The following TENM3 variants were observed in gnomAD, a reference collection of about 807,000 sequenced individuals.
TENM3 encodes teneurin transmembrane protein 3.
TENM3 carries 63 observed loss-of-function variants against 255.1 expected under a neutral mutation model. That is an observed-to-expected ratio of 0.25 (90% confidence interval 0.20 to 0.30). The LOEUF (loss-of-function observed/expected upper bound fraction) is 0.30. Among genes scored for constraint, TENM3 ranks in the 10% least tolerant of loss-of-function variants. The pLI is 1.00. For missense variants in TENM3, 2,929 were observed against 3,461.1 expected, an observed-to-expected ratio of 0.85 and a Z score of 3.86; for synonymous variants, 1,306 against 1,322.3, an observed-to-expected ratio of 0.99 and a Z score of 0.27.
chr4:182,628,976 A>G, intron 5 of TENM3, 87 bp downstream of exon 5: 1 of 793,932 alleles, frequency 1.3e-6, no homozygotes, highest in Non-Finnish European at 2.0e-6. Flanking sequence ...TGGTCTAGAA[A>G]TATATTGTGA....
chr4:181,978,468 G>A, the TENM3 span, among the ~76,000 whole-genome samples: 2 of 152,092 alleles, frequency 1.3e-5, no homozygotes, highest in African/African-American at 4.8e-5. Flanking sequence ...CCAACATGGT[G>A]AAACACCATC....
chr4:181,798,630 C>G, the TENM3 span, among the ~76,000 whole-genome samples: 2 of 152,178 alleles, frequency 1.3e-5, no homozygotes, highest in Non-Finnish European at 2.9e-5. Context: ...GCTGGTGTAA[C>G]TGTTGTTTCA....
At chr4:182,674,680 A>T (rs1393578749) in intron 7 of TENM3, among the ~76,000 whole-genome samples, 1 of 151,944 alleles carries the variant, frequency 6.6e-6, no homozygotes, top group African/African-American at 2.4e-5. Context: ...GGCTCAGGTG[A>T]TCCTTCCACC....
At chr4:182,304,289 T>C (rs1363339314) in intron 1 of TENM3, among the ~76,000 whole-genome samples, 1 of 152,124 alleles carries the variant, frequency 6.6e-6, no homozygotes, top group Non-Finnish European at 1.5e-5. Flanking sequence ...CTTGGCTTAC[T>C]GCAACCTCTG....
chr4:181,447,962 C>T, the TENM3 span, among the ~76,000 whole-genome samples: 1 of 152,056 alleles, frequency 6.6e-6, no homozygotes, highest in African/African-American at 2.4e-5. Flanking sequence ...TCAATTACAT[C>T]TTGCTGTCTC....
chr4:182,668,512 C>T (rs1044891877), intron 6 of TENM3, among the ~76,000 whole-genome samples: 32 of 151,800 alleles, frequency 2.1e-4, no homozygotes, highest in African/African-American at 7.0e-4. Context: ...TTTTTCGTTA[C>T]GGGAGGAAAA....
the TENM3 span, among the ~76,000 whole-genome samples, chr4:181,593,513 A>G: frequency 6.6e-6 from 1 of 152,206 alleles, no homozygotes; most frequent in Non-Finnish European, 1.5e-5. Context: ...AGTTGTACAT[A>G]TGGTACTCCT....
chr4:181,565,993 A>T, the TENM3 span, among the ~76,000 whole-genome samples: 1 of 152,202 alleles, frequency 6.6e-6, no homozygotes, highest in African/African-American at 2.4e-5. Context: ...TAAGTTGGAA[A>T]AAAAGGAGAT....
intron 5 of TENM3, among the ~76,000 whole-genome samples, chr4:182,632,405 G>A (rs1010463749): frequency 5.3e-5 from 8 of 152,112 alleles, no homozygotes; most frequent in Non-Finnish European, 8.8e-5. Flanking sequence ...AACCACCAAC[G>A]CTAGTCATTA....
intron 3 of TENM3, among the ~76,000 whole-genome samples, chr4:182,526,084 G>A (rs553193685): frequency 1.7e-4 from 26 of 152,134 alleles, no homozygotes; most frequent in Non-Finnish European, 2.8e-4. Flanking sequence ...GGTTCACGCC[G>A]TTCTCCTGCC....
chr4:182,161,320 G>A (rs1189107676), intron 1 of TENM3, among the ~76,000 whole-genome samples: 1 of 134,894 alleles, frequency 7.4e-6, no homozygotes, highest in African/African-American at 2.8e-5. Context: ...GGAGGCTGAG[G>A]CAGGAGAATG....
the TENM3 span, among the ~76,000 whole-genome samples, chr4:181,720,341 C>G: frequency 6.6e-6 from 1 of 152,032 alleles, no homozygotes; most frequent in Non-Finnish European, 1.5e-5. Flanking sequence ...ATAATTCTCC[C>G]AAGATATTCC....
At chr4:182,748,382 G>A (rs1278290820) in intron 19 of TENM3, among the ~76,000 whole-genome samples, 2 of 152,150 alleles carry the variant, frequency 1.3e-5, no homozygotes, top group Admixed American at 6.5e-5. Flanking sequence ...GGCTGCAGCC[G>A]GTTCCGTCGT....
In TENM3 at chr4:182,789,130, G is replaced by A. The variant is rs370222660; in HGVS notation, c.5342G>A (p.Arg1781Gln). Residue 1781 changes from arginine (R) to glutamine (Q), a missense_variant, in exon 25 of 28, where the codon CGA becomes CAA. This residue lies in a region of TENM3 where 303 missense variants were observed against 425.2 expected (regional missense o/e 0.71). Transcript: ENST00000511685. The surrounding 1 kb of genome is among the most constrained non-coding windows in gnomAD (Gnocchi z 4.4). Reference sequence around the variant, plus strand: ...AACCTCCTTTCAGTTGACTTTGATCGAACAACAAAGACAGAAAAGATCTAT... The same window carrying A: ...AACCTCCTTTCAGTTGACTTTGATCAAACAACAAAGACAGAAAAGATCTAT... ...GRNLLSVDFD[R>Q]TTKTEKIYDD... 5.2e-5 allele frequency: 84 copies of A among 1,609,972 alleles called. No individual in the cohort carries two copies. Among genetic ancestry groups the A allele is most frequent in the East Asian group, 6.7e-5 (3 of 44,822 alleles).
chr4:182,255,818 T>C (rs945170676), intron 1 of TENM3, among the ~76,000 whole-genome samples: 6 of 152,212 alleles, frequency 3.9e-5, no homozygotes, highest in African/African-American at 1.4e-4. Context: ...TTAACATTTT[T>C]TTTTCCTGAA....
At chr4:182,283,372 G>A (rs1760522122) in intron 1 of TENM3, among the ~76,000 whole-genome samples, 2 of 152,248 alleles carry the variant, frequency 1.3e-5, no homozygotes, top group Admixed American at 6.5e-5. Flanking sequence ...TCACTGTTGT[G>A]TTTCTTCTAG....
At chr4:182,419,622 A>C (rs958917875) in intron 3 of TENM3, among the ~76,000 whole-genome samples, 4 of 152,198 alleles carry the variant, frequency 2.6e-5, no homozygotes, top group Non-Finnish European at 4.4e-5. Flanking sequence ...AACCAACCCA[A>C]ATGTCTATCA....
the TENM3 span, among the ~76,000 whole-genome samples, chr4:181,518,329 A>G: frequency 3.0e-3 from 460 of 152,180 alleles, 5 homozygotes; most frequent in African/African-American, 0.011. Flanking sequence ...TAAAAATATA[A>G]TTAGATTTAG....
At chr4:182,368,280 T>A (rs184910583) in intron 3 of TENM3, among the ~76,000 whole-genome samples, 9 of 152,236 alleles carry the variant, frequency 5.9e-5, no homozygotes, top group Admixed American at 1.3e-4. Flanking sequence ...GCTGTAGGAT[T>A]ATGATAGTAA....
Sources: allele counts gnomAD v4.1 joint callset (sites outside exome capture counted in the v4.1 genomes callset), GRCh38; gene constraint gnomAD v4.1.1; regional missense constraint gnomAD v4.1.1; non-coding constraint Gnocchi (gnomAD v3.1); transcripts MANE v1.5; gene names NCBI Gene and HGNC (gene_info 2026-07-23, HGNC 2026-07-21).